Variants in TNR observed in about 807,000 individuals in gnomAD.
TNR encodes tenascin R, also known as tenascin-R.
A neutral mutation model predicts 150.4 loss-of-function variants in TNR; 45 were observed. The ratio of observed to expected loss-of-function variants is 0.30; its 90% CI spans 0.24 to 0.38. The LOEUF (loss-of-function observed/expected upper bound fraction) is 0.38, where lower values mean the gene tolerates loss of function less well. TNR is among the 10% of genes least tolerant of loss of function. The pLI, the probability that TNR is intolerant of heterozygous loss-of-function variation, is 1.00. For missense variants in TNR, 1,544 were observed against 1,759.1 expected, an observed-to-expected ratio of 0.88 and a Z score of 2.19; for synonymous variants, 687 against 678.4, an observed-to-expected ratio of 1.01 and a Z score of -0.20.
chr1:175,350,813 T>C (rs534562121), intron 18 of TNR, among the ~76,000 whole-genome samples: 11 of 152,374 alleles, frequency 7.2e-5, no homozygotes, highest in African/African-American at 1.9e-4. Context: ...TTGCTTACAA[T>C]GAACCTCTTA....
At chr1:175,692,624 C>T (rs981057709) in intron 1 of TNR, among the ~76,000 whole-genome samples, 1 of 152,096 alleles carries the variant, frequency 6.6e-6, no homozygotes, top group African/African-American at 2.4e-5. Context: ...GAGGGCTAAG[C>T]AGGAGTAAGC....
intron 1 of TNR, among the ~76,000 whole-genome samples, chr1:175,724,833 A>T (rs1306455662): frequency 6.6e-6 from 1 of 152,100 alleles, no homozygotes; most frequent in Non-Finnish European, 1.5e-5. Flanking sequence ...CTTAGATAAA[A>T]ATGAGTTTGG....
intron 1 of TNR, among the ~76,000 whole-genome samples, chr1:175,644,522 T>C (rs960954715): frequency 6.6e-6 from 1 of 152,228 alleles, no homozygotes; most frequent in African/African-American, 2.4e-5. Context: ...TAATTCCTCA[T>C]TGTCACCATT....
intron 1 of TNR, among the ~76,000 whole-genome samples, chr1:175,676,834 A>G (rs574933557): frequency 6.5e-4 from 99 of 152,340 alleles, no homozygotes; most frequent in Non-Finnish European, 1.1e-3. Context: ...AGAGCTAGTT[A>G]GAAGTGGAGC....
intron 1 of TNR, among the ~76,000 whole-genome samples, chr1:175,639,875 C>A (rs572074595): frequency 6.6e-6 from 1 of 152,144 alleles, no homozygotes; most frequent in Non-Finnish European, 1.5e-5. Context: ...GTTCAAATGT[C>A]CTCTGTCAGA....
At chr1:175,720,478 G>T (rs1042070008) in intron 1 of TNR, among the ~76,000 whole-genome samples, 2 of 152,190 alleles carry the variant, frequency 1.3e-5, no homozygotes, top group African/African-American at 2.4e-5. Context: ...CAATTCATTT[G>T]GTCCTTTAAC....
intron 1 of TNR, among the ~76,000 whole-genome samples, chr1:175,609,293 G>A (rs1419394651): frequency 6.6e-6 from 1 of 152,176 alleles, no homozygotes. Context: ...TTGCAAGAAT[G>A]TATACATATA....
At chr1:175,444,070 C>T (rs1012531578) in intron 2 of TNR, among the ~76,000 whole-genome samples, 3 of 152,172 alleles carry the variant, frequency 2.0e-5, no homozygotes, top group Non-Finnish European at 4.4e-5. Context: ...TCTAGATCTC[C>T]TGGGACAGGG....
intron 1 of TNR, among the ~76,000 whole-genome samples, chr1:175,544,511 G>A (rs1164928496): frequency 6.6e-6 from 1 of 152,190 alleles, no homozygotes; most frequent in African/African-American, 2.4e-5. Flanking sequence ...ATAAGAAAAT[G>A]AGTTGAATTT....
intron 1 of TNR, among the ~76,000 whole-genome samples, chr1:175,624,110 A>G (rs1160198742): frequency 6.6e-6 from 1 of 152,236 alleles, no homozygotes; most frequent in Non-Finnish European, 1.5e-5. Flanking sequence ...TTCCACCTTC[A>G]GAGATTCATT....
chr1:175,660,191 A>G (rs894539727), intron 1 of TNR, among the ~76,000 whole-genome samples: 2 of 152,210 alleles, frequency 1.3e-5, no homozygotes, highest in South Asian at 2.1e-4. Context: ...GCTGCATGTG[A>G]CATGAATCAG....
chr1:175,435,425 C>G (rs1008815211), intron 2 of TNR, among the ~76,000 whole-genome samples: 1 of 152,166 alleles, frequency 6.6e-6, no homozygotes, highest in Admixed American at 6.5e-5. Context: ...TGGGAAAGAC[C>G]ACGGAGGATC....
chr1:175,483,247 A>G (rs142856215), intron 2 of TNR, among the ~76,000 whole-genome samples: 70 of 152,290 alleles, frequency 4.6e-4, no homozygotes, highest in African/African-American at 1.6e-3. Flanking sequence ...AGAGAGGTGC[A>G]GTGAGGGCCT....
chr1:175,399,775 T>C (rs775220489), intron 4 of TNR, among the ~76,000 whole-genome samples: 1 of 152,242 alleles, frequency 6.6e-6, no homozygotes, highest in Non-Finnish European at 1.5e-5. Flanking sequence ...AGGAATAAAC[T>C]GTGGCTTGAG....
At chr1:175,637,922 A>G (rs1324120043) in intron 1 of TNR, among the ~76,000 whole-genome samples, 1 of 152,180 alleles carries the variant, frequency 6.6e-6, no homozygotes, top group Non-Finnish European at 1.5e-5. Context: ...ATGAGGGGGA[A>G]ATGAGCATCA....
chr1:175,650,353 A>G lies in TNR; in HGVS notation c.-165+92873T>C, dbSNP rs745452538. 1.8e-4 allele frequency among the ~76,000 whole-genome samples: 27 copies of G among 152,084 alleles called. 1 individual carries two copies. Among genetic ancestry groups the G allele is most frequent in the Non-Finnish European group, 3.1e-4 (21 of 67,992 alleles). On this transcript the variant is annotated intron_variant, in intron 1 of 22. Transcript: ENST00000367674. ...AGCTAAGATCATGCCACTGCACTTC[A>G]GCATGGACGACAGAGCAAGATGGTT...
chr1:175,457,880 C>A (rs1006555159), intron 2 of TNR, among the ~76,000 whole-genome samples: 1 of 152,168 alleles, frequency 6.6e-6, no homozygotes, highest in Non-Finnish European at 1.5e-5. Context: ...AAACTGAGGT[C>A]CAGGAACAAA....
chr1:175,628,239 T>C (rs1171222483), intron 1 of TNR, among the ~76,000 whole-genome samples: 1 of 152,134 alleles, frequency 6.6e-6, no homozygotes, highest in Admixed American at 6.5e-5. Flanking sequence ...CTCCCCAGGG[T>C]ATCAAGTCCC....
chr1:175,461,198 G>A (rs1270858797), intron 2 of TNR, among the ~76,000 whole-genome samples: 1 of 152,220 alleles, frequency 6.6e-6, no homozygotes, highest in African/African-American at 2.4e-5. Flanking sequence ...CTGCATTTCT[G>A]GAGAGTCATG....
Sources: allele counts gnomAD v4.1 joint callset (sites outside exome capture counted in the v4.1 genomes callset), GRCh38; gene constraint gnomAD v4.1.1; transcripts MANE v1.5; gene names NCBI Gene and HGNC (gene_info 2026-07-23, HGNC 2026-07-21).